The following CDKL4 variants were observed in gnomAD, a reference collection of about 807,000 sequenced individuals.
CDKL4 encodes the protein cyclin-dependent kinase-like 4.
Under a neutral mutation model 42.0 loss-of-function variants are expected in CDKL4, and 44 were observed. The ratio of observed to expected loss-of-function variants is 1.05; its 90% confidence interval spans 0.82 to 1.35. CDKL4 has a LOEUF of 1.35. Among genes scored for constraint, CDKL4 ranks in the 40% most tolerant of loss-of-function variants. CDKL4 has a pLI of 0.00. For synonymous variants in CDKL4, 120 were observed against 121.6 expected (o/e 0.99, Z 0.09); for missense variants, 393 against 369.9 (o/e 1.06, Z -0.51).
chr2:39,246,092 T>C (rs910616384), upstream of CDKL4, among the ~76,000 whole-genome samples: 4 of 152,204 alleles, frequency 2.6e-5, no homozygotes, highest in Non-Finnish European at 4.4e-5. Context: ...GTTTCAGCAT[T>C]AGCAAAATGC....
chr2:39,220,708 C>T (rs907172779), intron 3 of CDKL4, among the ~76,000 whole-genome samples: 8 of 151,894 alleles, frequency 5.3e-5, no homozygotes, highest in Non-Finnish European at 1.0e-4. Context: ...TCTCAGCCTC[C>T]CGAGTAGCTG....
chr2:39,187,803 C>T, intron 6 of CDKL4, 94 bp from the exon 7 acceptor site: 1 of 778,292 alleles, frequency 1.3e-6, no homozygotes, highest in Non-Finnish European at 2.1e-6. Flanking sequence ...CATGGTGGCT[C>T]ACACCTGTAA....
intron 3 of CDKL4, among the ~76,000 whole-genome samples, chr2:39,222,297 A>ATG (rs1678421293): frequency 1.3e-5 from 2 of 152,182 alleles, no homozygotes; most frequent in Non-Finnish European, 2.9e-5. Flanking sequence ...CACATTTTAA[A>ATG]GATTATGATA....
At chr2:39,240,692 A>G (rs548930740) in intron 1 of CDKL4, among the ~76,000 whole-genome samples, 161 of 151,392 alleles carry the variant, frequency 1.1e-3, no homozygotes, top group Non-Finnish European at 1.7e-3. Context: ...AAAAAAAAAA[A>G]AAAGAAAAAA....
Position 39,212,381 on chromosome 2 carries a change from C to T in CDKL4, c.363+1019G>A, listed in dbSNP as rs545320350. Among the ~76,000 whole-genome samples the T allele has an allele frequency of 2.4e-4, 37 of 151,782 alleles. No individual in the cohort carries two copies. The East Asian group carries it at 7.3e-3, about 30-fold the overall frequency. ...CCCGAGTAGCTGGGACTACAAGCAC[C>T]CGCCACCATGCCCGGCCAATTTTTT... On this transcript the variant is annotated intron_variant, in intron 4 of 9. Coordinates refer to ENST00000451199, the Ensembl canonical transcript of CDKL4.
chr2:39,186,649 T>A (rs936895723), intron 7 of CDKL4, among the ~76,000 whole-genome samples: 4 of 152,174 alleles, frequency 2.6e-5, no homozygotes, highest in African/African-American at 9.7e-5. Flanking sequence ...ACAATGGGGA[T>A]CATTTTGTAA....
rs536914953 is a variant in CDKL4, at chr2:39,225,868, A to C, written c.261T>G (p.Leu87=). ...TTGGGTTTCTTTCCAGCTCATTTAAAAGTGTATGATCACAGTATTCAAAAA... is the reference window on the plus strand; with the variant it reads ...TTGGGTTTCTTTCCAGCTCATTTAACAGTGTATGATCACAGTATTCAAAAA... The change falls in exon 3 of 10, where the codon CTT becomes CTG. Residue 87 remains leucine (L), a synonymous_variant. Transcript: ENST00000451199. 16 of 1,607,882 alleles carry C rather than the reference A, an allele frequency of 1.0e-5. No individual in the cohort carries two copies. The African/African-American group carries it at 2.1e-4, about 22-fold the overall frequency.
intron 5 of CDKL4, among the ~76,000 whole-genome samples, chr2:39,204,311 C>A (rs1161763415): frequency 6.6e-6 from 1 of 152,202 alleles, no homozygotes; most frequent in East Asian, 1.9e-4. Flanking sequence ...TCCTATGGGG[C>A]AAAGCACAGA....
At chr2:39,201,739 A>G (rs1458663122) in intron 5 of CDKL4, among the ~76,000 whole-genome samples, 2 of 152,206 alleles carry the variant, frequency 1.3e-5, no homozygotes, top group Non-Finnish European at 2.9e-5. Flanking sequence ...TAACTCAGGA[A>G]TAGAAAACCA....
At chr2:39,209,036 C>T (rs974976092) in intron 4 of CDKL4, among the ~76,000 whole-genome samples, 11 of 150,506 alleles carry the variant, frequency 7.3e-5, no homozygotes, top group Admixed American at 2.0e-4. Context: ...CATGGTGGCT[C>T]ATGCTTGTAA....
At chr2:39,236,378 C>A (rs1293540555) in intron 1 of CDKL4, among the ~76,000 whole-genome samples, 1 of 151,960 alleles carries the variant, frequency 6.6e-6, no homozygotes, top group African/African-American at 2.4e-5. Flanking sequence ...GTGGAAATGG[C>A]AGAAAAACAA....
chr2:39,237,024 G>T (rs1241587927), intron 1 of CDKL4, among the ~76,000 whole-genome samples: 1 of 152,192 alleles, frequency 6.6e-6, no homozygotes, highest in East Asian at 1.9e-4. Context: ...GAGGGAACAT[G>T]TCTCAACTCA....
At chr2:39,246,090 A>G (rs1049601622), upstream of CDKL4, among the ~76,000 whole-genome samples, 1 of 152,214 alleles carries the variant, frequency 6.6e-6, no homozygotes, top group Admixed American at 6.5e-5. Context: ...TTGTTTCAGC[A>G]TTAGCAAAAT....
At chr2:39,178,882 A>T in intron 9 of CDKL4, 1 of 1,466,516 alleles carries the variant, frequency 6.8e-7, no homozygotes, top group Non-Finnish European at 9.0e-7. Flanking sequence ...GCATTTTATT[A>T]TATGAAGTTG....
At chr2:39,179,512 G>T (rs1189520025) in intron 8 of CDKL4, among the ~76,000 whole-genome samples, 191 bp from the exon 9 acceptor site, 1 of 152,202 alleles carries the variant, frequency 6.6e-6, no homozygotes, top group Non-Finnish European at 1.5e-5. Flanking sequence ...TCTTTTGAGG[G>T]CAGAATGAAT....
intron 5 of CDKL4, among the ~76,000 whole-genome samples, chr2:39,199,024 C>T (rs1676688347): frequency 6.6e-6 from 1 of 150,982 alleles, no homozygotes; most frequent in Non-Finnish European, 1.5e-5. Context: ...ACAAAAAAAA[C>T]CCACAAAAGA....
At chr2:39,241,542 T>C (rs1322422418) in intron 1 of CDKL4, among the ~76,000 whole-genome samples, 1 of 152,220 alleles carries the variant, frequency 6.6e-6, no homozygotes, top group African/African-American at 2.4e-5. Flanking sequence ...AACTGTAGTA[T>C]GATATTTACA....
chr2:39,240,319 G>C (rs567086935), intron 1 of CDKL4, among the ~76,000 whole-genome samples: 3 of 150,750 alleles, frequency 2.0e-5, no homozygotes, highest in Non-Finnish European at 3.0e-5. Context: ...CCAGGTACTC[G>C]GGAGGCAGGA....
intron 5 of CDKL4, among the ~76,000 whole-genome samples, chr2:39,199,708 A>G (rs565991303): frequency 8.6e-4 from 131 of 152,318 alleles, no homozygotes; most frequent in African/African-American, 3.1e-3. Context: ...AATGCGATAC[A>G]CCACATAAAC....
Sources: gnomAD v4.1 joint callset for allele counts (sites outside exome capture counted in the v4.1 genomes callset) on GRCh38, gnomAD v4.1.1 for gene constraint, MANE v1.5 for transcripts, NCBI Gene and HGNC (gene_info 2026-07-23, HGNC 2026-07-21) for gene names.